Variants in ITPR1 observed in about 807,000 individuals in gnomAD.
The protein encoded by ITPR1 is inositol 1,4,5-trisphosphate-gated calcium channel ITPR1.
Under a neutral mutation model 318.4 loss-of-function variants are expected in ITPR1, and 96 were observed. The ratio of observed to expected loss-of-function variants is 0.30; its 90% CI spans 0.26 to 0.36. The LOEUF is 0.36. Among genes scored for constraint, ITPR1 ranks in the 10% least tolerant of loss-of-function variants. The pLI, the probability that ITPR1 is intolerant of heterozygous loss-of-function variation, is 1.00. For missense variants in ITPR1, 2,440 were observed against 3,460.2 expected (o/e 0.71, Z 7.40); for synonymous variants, 1,312 against 1,289.9 (o/e 1.02, Z -0.37).
chr3:4,840,513 G>C (rs1405466959), intron 61 of ITPR1, among the ~76,000 whole-genome samples: 3 of 152,126 alleles, frequency 2.0e-5, no homozygotes, highest in Non-Finnish European at 4.4e-5. Context: ...AAAACCAGCA[G>C]ACTCGAGCAA....
At chr3:4,546,346 C>T (rs2084996576) in intron 4 of ITPR1, among the ~76,000 whole-genome samples, 1 of 152,154 alleles carries the variant, frequency 6.6e-6, no homozygotes, top group African/African-American at 2.4e-5. Context: ...ATTTTTTCCT[C>T]ATCACAACTT....
Position 4,800,588 on chromosome 3 carries a change from G to T in ITPR1, c.7095G>T (p.Leu2365=). Residue 2365 remains leucine (L), a synonymous_variant, in exon 54 of 62, where the codon CTG becomes CTT. Transcript: ENST00000649015. ...SVGLQPTLFL[L]GAFNVCNKII... ...GGTTACAACCCACGTTGTTTCTTCT[G>T]GGCGCTTTCAATGTAAGTGTGAATA... 1.2e-6 allele frequency: 2 copies of T among 1,613,960 alleles called. No homozygotes were observed. The highest frequency in any genetic ancestry group is 2.2e-5 in the South Asian group (2 of 91,074).
chr3:4,735,177 A>G lies in ITPR1; in HGVS notation c.5367A>G (p.Gly1789=). The G allele has an allele frequency of 6.2e-7, 1 of 1,613,226 alleles. No homozygotes were observed. Among genetic ancestry groups the G allele is most frequent in the Non-Finnish European group, 8.5e-7 (1 of 1,179,162 alleles). The change falls in exon 44 of 62, where the codon GGA becomes GGG. Residue 1789 remains glycine, a synonymous_variant. Transcript: ENST00000649015. Reference sequence around the variant, plus strand: ...CCATCTTCTTAGGGGGAGGTTCCGGATCCAGCTCTATGAGCAGGGGTGAGA... The same window carrying G: ...CCATCTTCTTAGGGGGAGGTTCCGGGTCCAGCTCTATGAGCAGGGGTGAGA... ...GKPGGGGGGS[G]SSSMSRGEMS...
At position 4,667,355 on chromosome 3, in the gene ITPR1, T is replaced by C. The variant is rs777155973; in HGVS notation, c.1714-22T>C. On this transcript the variant is annotated intron_variant, in intron 17 of 61. Coordinates refer to ENST00000649015, the MANE Select transcript of ITPR1 (RefSeq NM_001378452.1). ...TTGTCATTTATCCTTCCTACTGACG[T>C]CTCTTTTCTCTCCTTATAAAGGAGT... The C allele has an allele frequency of 8.9e-6, 14 of 1,571,152 alleles. No homozygotes were observed. The South Asian group carries it at 9.3e-5, about 10-fold the overall frequency.
intron 43 of ITPR1, among the ~76,000 whole-genome samples, chr3:4,734,016 T>C (rs2043109351): frequency 1.3e-5 from 2 of 152,342 alleles, no homozygotes; most frequent in Admixed American, 1.3e-4. Flanking sequence ...GGGTTCCATG[T>C]ATAGCACAGA....
chr3:4,615,249 G>T (rs1351205759), intron 4 of ITPR1, among the ~76,000 whole-genome samples: 1 of 152,182 alleles, frequency 6.6e-6, no homozygotes, highest in Admixed American at 6.5e-5. Context: ...AGAAGTCAGG[G>T]CAGAGCATCT....
At chr3:4,695,711 GTGT>G (rs2094547096) in intron 33 of ITPR1, among the ~76,000 whole-genome samples, 1 of 152,200 alleles carries the variant, frequency 6.6e-6, no homozygotes, top group Admixed American at 6.5e-5. Context: ...GTTCAGTTCT[GTGT>G]TGTTAAGGTT....
At chr3:4,680,767 CT>C in intron 25 of ITPR1, 76 bp downstream of exon 25, 3 of 1,314,906 alleles carry the variant, frequency 2.3e-6, no homozygotes, top group Non-Finnish European at 3.1e-6. Context: ...CAAACAGTAT[CT>C]TCTAGAAAAA....
At position 4,635,548 on chromosome 3, in the gene ITPR1, T is replaced by C. The variant is rs575084218; in HGVS notation, c.280-3836T>C. Among the ~76,000 whole-genome samples the C allele has an allele frequency of 3.9e-5, 6 of 152,154 alleles. No homozygotes were observed. In the South Asian group the frequency reaches 1.2e-3, roughly 32 times the overall value. ...TTTTAGTAGAGACGGGGTTTCCCTG[T>C]GTTAGCCAGGATGGTCTCGATCTCC... On this transcript the variant is annotated intron_variant, in intron 5 of 61. Transcript: ENST00000649015.
chr3:4,563,364 CTGGGCA>C (rs1007399681), intron 4 of ITPR1, among the ~76,000 whole-genome samples: 2 of 152,106 alleles, frequency 1.3e-5, no homozygotes, highest in Non-Finnish European at 2.9e-5. Flanking sequence ...AAAAAATTAG[CTGGGCA>C]TGGTGATGCA....
intron 36 of ITPR1, 63 bp downstream of exon 36, chr3:4,703,013 T>A: frequency 1.9e-6 from 3 of 1,548,022 alleles, no homozygotes; most frequent in Non-Finnish European, 2.7e-6. Flanking sequence ...GTAGTAAGGC[T>A]GCCATTTATT....
chr3:4,814,367 C>A (rs193186011), intron 57 of ITPR1, 56 bp from the exon 58 acceptor site: 2 of 1,590,672 alleles, frequency 1.3e-6, no homozygotes, highest in Admixed American at 1.7e-5. Context: ...TTTCAAAATC[C>A]CGGTCTCTCT....
chr3:4,587,527 T>C (rs1288192833), intron 4 of ITPR1, among the ~76,000 whole-genome samples: 2 of 152,194 alleles, frequency 1.3e-5, no homozygotes, highest in Non-Finnish European at 2.9e-5. Flanking sequence ...TGCCTTGGCC[T>C]CCCAAAGTAC....
intron 4 of ITPR1, among the ~76,000 whole-genome samples, chr3:4,588,374 A>G (rs949843648): frequency 6.7e-6 from 1 of 150,210 alleles, no homozygotes; most frequent in Admixed American, 6.6e-5. Flanking sequence ...AGTGGGGTGT[A>G]TTTTAATATT....
chr3:4,527,202 G>A (rs2083052701), intron 4 of ITPR1, among the ~76,000 whole-genome samples: 1 of 152,144 alleles, frequency 6.6e-6, no homozygotes, highest in South Asian at 2.1e-4. Context: ...ATGGAGACAA[G>A]GTCTCACTCT....
At position 4,663,078 on chromosome 3, in the gene ITPR1, C is replaced by G; in HGVS notation, c.1426C>G (p.Leu476Val). 1 of 1,613,610 alleles carries G rather than the reference C, an allele frequency of 6.2e-7. No individual in the cohort carries two copies. Among genetic ancestry groups the G allele is most frequent in the Non-Finnish European group, 8.5e-7 (1 of 1,179,616 alleles). The part of the protein sequence containing the change: ...TQNERRSVTK[L>V]LEDLVYFVTG... ...TTTCCTCCTAAGGTCTGTAACCAAGCTGCTAGAAGATTTGGTTTACTTCGT... is the reference window on the plus strand; with the variant it reads ...TTTCCTCCTAAGGTCTGTAACCAAGGTGCTAGAAGATTTGGTTTACTTCGT... Residue 476 changes from leucine (L) to valine (V), a missense_variant, in exon 16 of 62, where the codon CTG becomes GTG. By Grantham distance (32) the Leu-to-Val change is conservative. Around this residue, in one of 23 missense-constraint regions of ITPR1, gnomAD observed 478 missense variants for 696.3 expected, o/e 0.69. Coordinates refer to ENST00000649015, the MANE Select transcript of ITPR1 (RefSeq NM_001378452.1).
chr3:4,529,497 G>A (rs897324481), intron 4 of ITPR1, among the ~76,000 whole-genome samples: 2 of 152,188 alleles, frequency 1.3e-5, no homozygotes, highest in Non-Finnish European at 1.5e-5. Flanking sequence ...CCCGTCTTGA[G>A]CATTGATGAA....
In ITPR1 at chr3:4,675,199, G is replaced by A. The variant is rs1291160487; in HGVS notation, c.2730G>A (p.Met910Ile). Residue 910 changes from methionine (M) to isoleucine (I), a missense_variant, in exon 23 of 62, where the codon ATG becomes ATA. Coordinates refer to ENST00000649015, the MANE Select transcript of ITPR1 (RefSeq NM_001378452.1). The part of the protein sequence containing the change: ...HVTTIFPISK[M>I]AKGEENKGNN... Reference sequence around the variant, plus strand: ...CAACAATCTTCCCCATTAGCAAGATGGCGAAAGGAGAAGAGAATAAAGGTA... The same window carrying A: ...CAACAATCTTCCCCATTAGCAAGATAGCGAAAGGAGAAGAGAATAAAGGTA... The A allele has an allele frequency of 1.9e-6, 3 of 1,612,612 alleles. No homozygotes were observed. Among genetic ancestry groups the A allele is most frequent in the African/African-American group, 1.3e-5 (1 of 74,876 alleles).
chr3:4,838,729 T>C (rs1312377126), intron 61 of ITPR1, among the ~76,000 whole-genome samples: 1 of 152,220 alleles, frequency 6.6e-6, no homozygotes, highest in Non-Finnish European at 1.5e-5. Context: ...TCTTGCTCAC[T>C]CATTTCTGCT....
Sources: gnomAD v4.1 joint callset for allele counts (sites outside exome capture counted in the v4.1 genomes callset) on GRCh38, gnomAD v4.1.1 for gene constraint, gnomAD v4.1.1 regional missense constraint, MANE v1.5 for transcripts, NCBI Gene and HGNC (gene_info 2026-07-23, HGNC 2026-07-21) for gene names.